Variants in DMD observed in about 807,000 individuals in gnomAD.
The protein encoded by DMD is mutant dystrophin.
DMD carries 63 observed loss-of-function variants against 330.1 expected under a neutral mutation model. That is an observed-to-expected ratio of 0.19 (90% CI 0.16 to 0.24). The LOEUF is 0.24. Ranked by LOEUF, DMD falls within the 10% of genes least tolerant of loss-of-function variation. DMD has a pLI of 1.00. For missense variants in DMD, 3,344 were observed against 2,684.1 expected (o/e 1.25, Z -5.43); for synonymous variants, 1,223 against 959.8 (o/e 1.27, Z -5.07).
At chrX:33,316,744 T>A (rs995434199) in intron 1 of DMD, among the ~76,000 whole-genome samples, 10 of 111,213 alleles carry the variant, frequency 9.0e-5, no homozygotes, top group Non-Finnish European at 1.9e-4. Flanking sequence ...AAGGTCTTCA[T>A]GTTGAGTAGA....
At chrX:32,717,974 G>T (rs1208779560) in intron 7 of DMD, among the ~76,000 whole-genome samples, 1 of 111,680 alleles carries the variant, frequency 9.0e-6, no homozygotes, top group Non-Finnish European at 1.9e-5. Context: ...TACCCTCATT[G>T]TATCTTGGAA....
At chrX:32,536,264 C>CAA (rs1191335690) in intron 17 of DMD, among the ~76,000 whole-genome samples, 2,172 of 35,406 alleles carry the variant, frequency 0.061, 83 homozygotes, top group Middle Eastern at 0.14. Context: ...ACTCCGTCTC[C>CAA]AAAAAAAAAA....
intron 17 of DMD, among the ~76,000 whole-genome samples, chrX:32,544,620 A>C (rs1031007078): frequency 2.7e-5 from 3 of 111,462 alleles, no homozygotes; most frequent in Non-Finnish European, 3.8e-5. Context: ...TAAAAATTCT[A>C]ACACCTTCAA....
intron 1 of DMD, among the ~76,000 whole-genome samples, chrX:33,052,622 T>C (rs2094470482): frequency 8.9e-6 from 1 of 111,734 alleles, no homozygotes; most frequent in Non-Finnish European, 1.9e-5. Context: ...ACAAAACAGA[T>C]TAACATCAAA....
At chrX:31,861,638 C>CAGTGTGTG (rs375434031) in intron 48 of DMD, among the ~76,000 whole-genome samples, 51 of 83,107 alleles carry the variant, frequency 6.1e-4, no homozygotes, top group Admixed American at 1.8e-3. Flanking sequence ...AAATAATCAC[C>CAGTGTGTG]TGTGTGTGTG....
chrX:31,823,762 C>T (rs1001056906), intron 49 of DMD, among the ~76,000 whole-genome samples: 7 of 110,134 alleles, frequency 6.4e-5, no homozygotes, highest in East Asian at 2.9e-4. Context: ...TATGTAGAGA[C>T]GGGGTTTTGC....
At chrX:32,307,288 G>A (rs2097543986) in intron 42 of DMD, among the ~76,000 whole-genome samples, 1 of 111,288 alleles carries the variant, frequency 9.0e-6, no homozygotes, top group East Asian at 2.8e-4. Context: ...ACAGAATTTT[G>A]GGTCAGAGCA....
intron 55 of DMD, among the ~76,000 whole-genome samples, chrX:31,539,193 A>G (rs1245777558): frequency 8.9e-6 from 1 of 111,762 alleles, no homozygotes; most frequent in African/African-American, 3.3e-5. Context: ...CTGACTAGCC[A>G]TGTCTTTCAG....
At chrX:31,953,877 AT>A (rs1231061649) in intron 45 of DMD, among the ~76,000 whole-genome samples, 3 of 111,942 alleles carry the variant, frequency 2.7e-5, no homozygotes, top group Non-Finnish European at 5.6e-5. Context: ...TCCAAAGGTA[AT>A]AAACACAGGT....
At chrX:33,220,813 G>T (rs747118422) in intron 1 of DMD, among the ~76,000 whole-genome samples, 1 of 111,180 alleles carries the variant, frequency 9.0e-6, no homozygotes, top group Non-Finnish European at 1.9e-5. Context: ...TCATAGATGG[G>T]TCTAACAATA....
intron 52 of DMD, among the ~76,000 whole-genome samples, chrX:31,681,649 G>A (rs1385696553): frequency 8.9e-6 from 1 of 112,652 alleles, no homozygotes; most frequent in African/African-American, 3.2e-5. Flanking sequence ...AAAGAGCAAG[G>A]GAGAGAAGGT....
At chrX:31,826,355 T>C (rs971451570) in intron 49 of DMD, among the ~76,000 whole-genome samples, 1 of 112,606 alleles carries the variant, frequency 8.9e-6, no homozygotes, top group South Asian at 3.6e-4. Context: ...TTTATAATTA[T>C]TAGCAAATAC....
intron 50 of DMD, among the ~76,000 whole-genome samples, chrX:31,816,794 TCACACACACA>T (rs759346277): frequency 1.2e-5 from 1 of 85,363 alleles, no homozygotes; most frequent in Admixed American, 1.4e-4. Context: ...CAAGATTCTG[TCACACACACA>T]CACACACACA....
intron 59 of DMD, among the ~76,000 whole-genome samples, chrX:31,451,530 C>T (rs775022988): frequency 1.8e-5 from 2 of 110,158 alleles, no homozygotes; most frequent in East Asian, 5.7e-4. Flanking sequence ...GATCCACCCA[C>T]GTAGGCCTCC....
chrX:33,214,898 C>T (rs2052023456), upstream of DMD, among the ~76,000 whole-genome samples: 1 of 112,221 alleles, frequency 8.9e-6, no homozygotes. Flanking sequence ...AGTAATCCTC[C>T]TGCCTCAGCC....
chrX:32,077,544 A>C (rs2147863518), intron 44 of DMD, among the ~76,000 whole-genome samples: 1 of 111,652 alleles, frequency 9.0e-6, no homozygotes, highest in South Asian at 3.8e-4. Flanking sequence ...CTAACACTTA[A>C]ATCCCATCAG....
At chrX:32,713,317 A>G (rs960736135) in intron 7 of DMD, among the ~76,000 whole-genome samples, 11 of 111,627 alleles carry the variant, frequency 9.9e-5, no homozygotes, top group African/African-American at 3.3e-4. Flanking sequence ...ACCCTTTCAC[A>G]CTGTATCTCC....
intron 7 of DMD, among the ~76,000 whole-genome samples, chrX:32,802,108 C>G (rs1256426549): frequency 9.0e-6 from 1 of 111,674 alleles, no homozygotes; most frequent in Non-Finnish European, 1.9e-5. Context: ...GCAGTATGGC[C>G]ATTTTCATGA....
intron 55 of DMD, among the ~76,000 whole-genome samples, chrX:31,607,258 G>C (rs2077658374): frequency 8.9e-6 from 1 of 111,912 alleles, no homozygotes; most frequent in Admixed American, 9.5e-5. Flanking sequence ...TCCAGAATAT[G>C]AAGTCCACTA....
Sources: gnomAD v4.1 joint callset for allele counts (sites outside exome capture counted in the v4.1 genomes callset) on GRCh38, gnomAD v4.1.1 for gene constraint, MANE v1.5 for transcripts, NCBI Gene and HGNC (gene_info 2026-07-23, HGNC 2026-07-21) for gene names.